Variants in GP6 observed in about 807,000 individuals in gnomAD.
GP6 encodes glycoprotein VI platelet.
In GP6, 45 loss-of-function variants were observed where a neutral mutation model predicts 37.3. The observed-to-expected ratio is 1.21, with a 90% confidence interval of 0.95 to 1.55. The LOEUF is 1.55. Ranked by LOEUF, GP6 falls within the 40% of genes most tolerant of loss-of-function variation. The pLI, the probability that GP6 is intolerant of heterozygous loss-of-function variation, is 0.00. For synonymous variants in GP6, 340 were observed against 316.4 expected, an observed-to-expected ratio of 1.07 and a Z score of -0.79; for missense variants, 813 against 760.2, an observed-to-expected ratio of 1.07 and a Z score of -0.82.
chr19:55,015,072 T>G lies in GP6; in HGVS notation c.873A>C (p.Gly291=). 6.2e-7 allele frequency: 1 copy of G among 1,604,568 alleles called. No individual in the cohort carries two copies. Among genetic ancestry groups the G allele is most frequent in the Non-Finnish European group, 8.5e-7 (1 of 1,176,068 alleles). ...CAGGCGCTTCCTCCGGCTGTGCCAG[T>G]CCTCTGCCAGAAACCCCGCCAGGAT... The change falls in exon 8 of 8, where the codon GGA becomes GGC. Residue 291 remains glycine, a synonymous_variant. Transcript: ENST00000310373.
chr19:55,028,040 G>C (rs866255074), intron 3 of GP6, among the ~76,000 whole-genome samples, 178 bp from the exon 4 acceptor site: 3 of 152,180 alleles, frequency 2.0e-5, no homozygotes, highest in African/African-American at 7.2e-5. Context: ...GAGGAAGGAG[G>C]CTGTGCTCAC....
chr19:55,023,128 A>C (rs2074142109), intron 5 of GP6, among the ~76,000 whole-genome samples: 1 of 152,214 alleles, frequency 6.6e-6, no homozygotes, highest in Admixed American at 6.5e-5. Flanking sequence ...TAGTAACCAA[A>C]ACAGCATGGT....
chr19:55,020,745 A>AG (rs2146746565), intron 5 of GP6, among the ~76,000 whole-genome samples: 1 of 152,164 alleles, frequency 6.6e-6, no homozygotes, highest in East Asian at 1.9e-4. Flanking sequence ...CAGTAATGGG[A>AG]TTGCTGGGTC....
Position 55,027,658 on chromosome 19 carries a change from G to A in GP6, c.530C>T (p.Thr177Ile). ...GCTGGAGAAGCTGTAGCATCGGTAG[G>A]TTCCGCTGTGGGCGGCGGTCACCGT... Residue 177 changes from threonine to isoleucine, a missense_variant, in exon 4 of 8, where the codon ACC becomes ATC. Coordinates refer to ENST00000310373, the MANE Select transcript of GP6 (RefSeq NM_001083899.2). 1.2e-6 allele frequency: 2 copies of A among 1,612,634 alleles called. No individual in the cohort carries two copies. Among genetic ancestry groups the A allele is most frequent in the South Asian group, 1.1e-5 (1 of 91,064 alleles).
In GP6 at chr19:55,018,641, T is replaced by C; in HGVS notation, c.724+11A>G. The C allele has an allele frequency of 6.6e-7, 1 of 1,506,070 alleles. No individual in the cohort carries two copies. The highest frequency in any genetic ancestry group is 9.3e-7 in the Non-Finnish European group (1 of 1,080,892). The allele number at this position is 1,506,070 out of a possible 1,614,324, so 93.3% of individuals were successfully genotyped here. ...TCCTTTCTGCTGAGCATGAAATGCC[T>C]GGTTACTCACCAGTTGTGAAGACTT... On this transcript the variant is annotated intron_variant, in intron 6 of 7. Transcript: ENST00000310373.
At chr19:55,019,299 C>T (rs1201771284) in intron 5 of GP6, among the ~76,000 whole-genome samples, 2 of 151,408 alleles carry the variant, frequency 1.3e-5, no homozygotes, top group African/African-American at 4.9e-5. Flanking sequence ...TTAGTAGAGG[C>T]GGGGTTTCAC....
chr19:55,038,202 C>T lies in GP6; in HGVS notation c.34+1G>A, dbSNP rs1335572215. On this transcript the variant is annotated splice_donor_variant, in intron 1 of 7. Coordinates refer to ENST00000310373, the MANE Select transcript of GP6 (RefSeq NM_001083899.2). LOFTEE classifies it high-confidence loss of function. ...TCCCAGATCTGACCCTCAGGACTCA[C>T]CAAGACAGAAGAGGGCGGTCGGGGA... 3.1e-6 allele frequency: 5 copies of T among 1,591,470 alleles called. No homozygotes were observed. The highest frequency in any genetic ancestry group is 1.1e-5 in the South Asian group (1 of 87,632).
intron 1 of GP6, among the ~76,000 whole-genome samples, chr19:55,036,121 A>T (rs2074821553): frequency 6.6e-6 from 1 of 152,100 alleles, no homozygotes; most frequent in South Asian, 2.1e-4. Flanking sequence ...TGGAGCTGGA[A>T]GGCATTATTC....
chr19:55,028,937 C>G (rs967758018), intron 3 of GP6, among the ~76,000 whole-genome samples: 4 of 152,040 alleles, frequency 2.6e-5, no homozygotes, highest in Non-Finnish European at 5.9e-5. Context: ...GAAGGCGAGG[C>G]TGCAGTGAGC....
At chr19:55,032,802 G>A in intron 1 of GP6, 1 of 609,384 alleles carries the variant, frequency 1.6e-6, no homozygotes, top group Non-Finnish European at 2.9e-6. Flanking sequence ...GGGGGTGGTG[G>A]GAGAGGAGGG....
chr19:55,038,179 C>A, intron 1 of GP6, 24 bp downstream of exon 1: 2 of 1,569,300 alleles, frequency 1.3e-6, no homozygotes, highest in East Asian at 2.3e-5. Context: ...TCAGCATTTC[C>A]CAGATCTGAC....
intron 5 of GP6, among the ~76,000 whole-genome samples, chr19:55,023,942 AAGG>A (rs1245955070): frequency 5.4e-5 from 4 of 74,610 alleles, no homozygotes; most frequent in Admixed American, 4.7e-4. Flanking sequence ...ATGGCAAGGG[AAGG>A]AGAAGGGTGT....
intron 1 of GP6, among the ~76,000 whole-genome samples, chr19:55,036,908 G>T (rs374728932): frequency 1.0e-3 from 156 of 152,246 alleles, no homozygotes; most frequent in African/African-American, 3.4e-3. Flanking sequence ...CTATTCGGGA[G>T]GCTGAGGCAG....
Position 55,014,684 on chromosome 19 carries a change from G to A in GP6, c.1261C>T (p.Pro421Ser). 1.2e-6 allele frequency: 2 copies of A among 1,613,878 alleles called. No individual in the cohort carries two copies. The highest frequency in any genetic ancestry group is 1.7e-6 in the Non-Finnish European group (2 of 1,179,792). The change falls in exon 8 of 8, where the codon CCC becomes TCC. Residue 421 changes from proline to serine, a missense_variant. Pro to Ser is a moderately conservative substitution (Grantham distance 74, BLOSUM62 -1). Transcript: ENST00000310373. ...CACAGTGTGCAGGGAGGAGGATGGGGTCTCCACAGATTCCTTCCATCCCAA... is the reference window on the plus strand; with the variant it reads ...CACAGTGTGCAGGGAGGAGGATGGGATCTCCACAGATTCCTTCCATCCCAA...
Position 55,014,860 on chromosome 19 carries a change from T to C in GP6, c.1085A>G (p.Lys362Arg), listed in dbSNP as rs1474841785. ...TTCCACGCTCCACACACGCCAGTCT[T>C]TGAGTCGCCTCCCATGCCATGATCC... Residue 362 changes from lysine (K) to arginine (R), a missense_variant, in exon 8 of 8, where the codon AAA (lysine) becomes AGA (arginine). Transcript: ENST00000310373. The C allele has an allele frequency of 6.2e-7, 1 of 1,614,050 alleles. No homozygotes were observed. The highest frequency in any genetic ancestry group is 1.7e-5 in the Admixed American group (1 of 60,016).
chr19:55,034,400 C>A (rs1005894171), intron 1 of GP6, among the ~76,000 whole-genome samples: 2 of 151,812 alleles, frequency 1.3e-5, no homozygotes, highest in Admixed American at 1.3e-4. Context: ...ACTAAAAATA[C>A]CAGAAATTAG....
chr19:55,018,586 A>G, intron 6 of GP6, 66 bp downstream of exon 6: 1 of 915,200 alleles, frequency 1.1e-6, no homozygotes, highest in Non-Finnish European at 1.8e-6. Context: ...ACAGGCTTAG[A>G]TAATGGAAGA....
intron 4 of GP6, 96 bp from the exon 5 acceptor site, chr19:55,025,367 A>G: frequency 1.2e-6 from 1 of 806,906 alleles, no homozygotes; most frequent in South Asian, 1.4e-5. Context: ...CTCACCGGAA[A>G]AATGAGCCTA....
At position 55,032,542 on chromosome 19, in the gene GP6, A is replaced by C. The variant is rs760053904; in HGVS notation, c.35-4T>G. Reference sequence around the variant, plus strand: ...GGCACACGCCCCAGACACAGCCCTGAGGAAAGAAGAAAGGGACCAGATGCC... The same window carrying C: ...GGCACACGCCCCAGACACAGCCCTGCGGAAAGAAGAAAGGGACCAGATGCC... On this transcript the variant is annotated splice_polypyrimidine_tract_variant and splice_region_variant and intron_variant, in intron 1 of 7. Transcript: ENST00000310373. 1 of 1,613,694 alleles carries C rather than the reference A, an allele frequency of 6.2e-7. No individual in the cohort carries two copies. The highest frequency in any genetic ancestry group is 1.1e-5 in the South Asian group (1 of 91,042).
Sources: allele counts gnomAD v4.1 joint callset (sites outside exome capture counted in the v4.1 genomes callset), GRCh38; gene constraint gnomAD v4.1.1; transcripts MANE v1.5; gene names NCBI Gene and HGNC (gene_info 2026-07-23, HGNC 2026-07-21).